The following HPGD variants were observed in gnomAD, a reference collection of about 807,000 sequenced individuals.
HPGD encodes the protein 15-hydroxyprostaglandin dehydrogenase.
Under a neutral mutation model 30.0 loss-of-function variants are expected in HPGD, and 29 were observed. The ratio of observed to expected loss-of-function variants is 0.97; its 90% CI spans 0.72 to 1.32. The LOEUF (loss-of-function observed/expected upper bound fraction) is 1.32, where lower values mean the gene tolerates loss of function less well. Ranked by LOEUF, HPGD falls within the 40% of genes most tolerant of loss-of-function variation. The pLI is 0.00. For missense variants in HPGD, 340 were observed against 322.1 expected (o/e 1.06, Z -0.43); for synonymous variants, 99 against 112.4 (o/e 0.88, Z 0.75).
intron 4 of HPGD, among the ~76,000 whole-genome samples, chr4:174,504,138 TC>T (rs1356425729): frequency 3.3e-5 from 5 of 152,186 alleles, no homozygotes; most frequent in African/African-American, 1.2e-4. Context: ...CTTTAATATC[TC>T]CATTTCCCTT....
At chr4:174,497,564 C>CTTT (rs1560976871) in intron 4 of HPGD, among the ~76,000 whole-genome samples, 5 of 14,226 alleles carry the variant, frequency 3.5e-4, no homozygotes, top group African/African-American at 8.4e-4. Context: ...CTTTCTTTTT[C>CTTT]TTTCTTTTTT....
chr4:174,508,432 A>G (rs1174958303), intron 4 of HPGD, among the ~76,000 whole-genome samples: 1 of 152,180 alleles, frequency 6.6e-6, no homozygotes, highest in Non-Finnish European at 1.5e-5. Context: ...CCTTTGAAAA[A>G]TATTGGCTCT....
At chr4:174,517,178 A>C (rs1735825366) in intron 3 of HPGD, among the ~76,000 whole-genome samples, 1 of 152,188 alleles carries the variant, frequency 6.6e-6, no homozygotes, top group Non-Finnish European at 1.5e-5. Context: ...GTATTTATAG[A>C]ATGAGGTAAC....
chr4:174,495,856 C>T (rs1734572133), intron 4 of HPGD: 2 of 543,096 alleles, frequency 3.7e-6, no homozygotes, highest in Non-Finnish European at 6.6e-6. Flanking sequence ...CACAGAGATA[C>T]AGCCAAGAGT....
At chr4:174,512,862 A>T (rs1735579288) in intron 3 of HPGD, among the ~76,000 whole-genome samples, 1 of 152,212 alleles carries the variant, frequency 6.6e-6, no homozygotes, top group African/African-American at 2.4e-5. Flanking sequence ...TAACTAAAGG[A>T]TCACAATAAA....
chr4:174,501,903 A>G (rs1734919872), intron 4 of HPGD, among the ~76,000 whole-genome samples: 1 of 152,142 alleles, frequency 6.6e-6, no homozygotes, highest in Admixed American at 6.5e-5. Flanking sequence ...GCTCAAAAAG[A>G]TTTTTTTGCA....
chr4:174,502,546 C>T (rs1034497377), intron 4 of HPGD, among the ~76,000 whole-genome samples: 5 of 151,958 alleles, frequency 3.3e-5, no homozygotes, highest in South Asian at 2.1e-4. Context: ...GGCGTGGTGG[C>T]GGGCGCCTGT....
At chr4:174,505,172 C>G (rs533934700) in intron 4 of HPGD, among the ~76,000 whole-genome samples, 2 of 152,314 alleles carry the variant, frequency 1.3e-5, no homozygotes, top group South Asian at 4.1e-4. Flanking sequence ...GATACTCTGT[C>G]TGCGTCAGTG....
At chr4:174,516,168 T>G (rs1735761166) in intron 3 of HPGD, among the ~76,000 whole-genome samples, 1 of 152,092 alleles carries the variant, frequency 6.6e-6, no homozygotes, top group African/African-American at 2.4e-5. Context: ...ACATAAATCA[T>G]TCTACCAAGA....
At chr4:174,503,536 C>A (rs1014523230) in intron 4 of HPGD, among the ~76,000 whole-genome samples, 3 of 152,132 alleles carry the variant, frequency 2.0e-5, no homozygotes, top group Non-Finnish European at 4.4e-5. Context: ...GTTAGGCCTG[C>A]TTCCTTATCA....
rs886059254 is a variant in HPGD, at chr4:174,491,984, G to T, written c.773C>A (p.Thr258Lys). 1.9e-6 allele frequency: 3 copies of T among 1,611,840 alleles called. No homozygotes were observed. Among genetic ancestry groups the T allele is most frequent in the East Asian group, 2.2e-5 (1 of 44,708 alleles). Residue 258 changes from threonine (T) to lysine (K), a missense_variant, in exon 7 of 7, where the codon ACA becomes AAA. Coordinates refer to ENST00000296522, the MANE Select transcript of HPGD (RefSeq NM_000860.6). ...SKGIHFQDYD[T>K]TPFQAKTQ ...TTGGGTTTTTGCTTGAAATGGAGTT[G>T]TATCATAGTCTTGAAAATGAATTCC...
Position 174,522,479 on chromosome 4 carries a change from G to T in HPGD, c.-28C>A. 2 of 1,518,002 alleles carry T rather than the reference G, an allele frequency of 1.3e-6. No homozygotes were observed. Among genetic ancestry groups the T allele is most frequent in the Non-Finnish European group, 8.9e-7 (1 of 1,126,470 alleles). 94.0% of individuals were successfully genotyped at this position (1,518,002 alleles called of 1,614,324 possible). A position where few individuals can be genotyped will look rare whatever the true frequency, so the allele number is the denominator to read the frequency against. Reference sequence around the variant, plus strand: ...TGCAGCCACTGCTGGGGCGGGCGGTGGGCGAGCTCCGCGTCTCCGCGCGGC... The same window carrying T: ...TGCAGCCACTGCTGGGGCGGGCGGTTGGCGAGCTCCGCGTCTCCGCGCGGC... On this transcript the variant is annotated 5_prime_UTR_variant, in exon 1 of 7. Transcript: ENST00000296522.
intron 4 of HPGD, among the ~76,000 whole-genome samples, chr4:174,500,441 C>G (rs1734846257): frequency 6.6e-6 from 1 of 152,204 alleles, no homozygotes; most frequent in Admixed American, 6.5e-5. Context: ...GCACAAAAAT[C>G]TGTGTGTGGA....
chr4:174,512,762 G>A (rs1863642), intron 3 of HPGD, among the ~76,000 whole-genome samples: 2 of 152,030 alleles, frequency 1.3e-5, no homozygotes, highest in Non-Finnish European at 1.5e-5. Flanking sequence ...TTCCTGATGT[G>A]AAGCTGAAAA....
chr4:174,495,542 C>T lies in HPGD; in HGVS notation c.498+6G>A. 6.2e-7 allele frequency: 1 copy of T among 1,600,736 alleles called. No individual in the cohort carries two copies. The highest frequency in any genetic ancestry group is 8.6e-7 in the Non-Finnish European group (1 of 1,167,932). On this transcript the variant is annotated splice_donor_region_variant and intron_variant, in intron 5 of 6. Coordinates refer to ENST00000296522, the MANE Select transcript of HPGD (RefSeq NM_000860.6). ...AAATGAGATATGACGGTTGTTGTAG[C>T]CTCACCGCTGCTGAGCGTGTGAATC... is the stretch of plus-strand genomic sequence containing the variant.
intron 6 of HPGD, 36 bp downstream of exon 6, chr4:174,493,115 C>T (rs762932394): frequency 1.3e-6 from 2 of 1,486,378 alleles, no homozygotes; most frequent in Admixed American, 3.7e-5. Flanking sequence ...TGCTTTGCTT[C>T]ATCATTTAAA....
intron 3 of HPGD, among the ~76,000 whole-genome samples, chr4:174,515,847 G>A (rs979009015): frequency 2.6e-5 from 4 of 151,932 alleles, no homozygotes; most frequent in Non-Finnish European, 5.9e-5. Context: ...CTTCTCAGAA[G>A]AGGACAGACA....
chr4:174,504,804 A>C (rs1296419461), intron 4 of HPGD, among the ~76,000 whole-genome samples: 1 of 143,502 alleles, frequency 7.0e-6, no homozygotes. Context: ...CACGAGTGAA[A>C]CTCTGTCTCA....
At chr4:174,506,978 C>G (rs1735222814) in intron 4 of HPGD, 1 of 152,210 alleles carries the variant, frequency 6.6e-6, no homozygotes. Context: ...AATTATCAAT[C>G]TTGATCACAG....
Sources: allele counts gnomAD v4.1 joint callset (sites outside exome capture counted in the v4.1 genomes callset), GRCh38; gene constraint gnomAD v4.1.1; transcripts MANE v1.5; gene names NCBI Gene and HGNC (gene_info 2026-07-23, HGNC 2026-07-21).